Variants in KCNN3 observed in about 807,000 individuals in gnomAD.
KCNN3 encodes the protein potassium calcium-activated channel subfamily N member 3, also known as small conductance calcium-activated potassium channel protein 3.
KCNN3 carries 16 observed loss-of-function variants against 62.9 expected under a neutral mutation model. That is an observed-to-expected ratio of 0.25 (90% CI 0.17 to 0.39). KCNN3 has a LOEUF of 0.39. Ranked by LOEUF, KCNN3 falls within the 10% of genes least tolerant of loss-of-function variation. The pLI is 1.00. For missense variants in KCNN3, 599 were observed against 949.4 expected, an observed-to-expected ratio of 0.63 and a Z score of 4.85; for synonymous variants, 370 against 389.2, an observed-to-expected ratio of 0.95 and a Z score of 0.58.
chr1:154,870,281 T>G lies in KCNN3; in HGVS notation c.-317A>C. On this transcript the variant is annotated 5_prime_UTR_variant, in exon 1 of 8. Transcript: ENST00000271915. ...TCAGCTTCACTCCTCGCTGGCTCAA[T>G]AGCTTCGCTCGCCTCCTCCTGCCAC... is the stretch of plus-strand genomic sequence containing the variant. The G allele has an allele frequency of 2.0e-6, 1 of 509,790 alleles. No homozygotes were observed. The allele number at this position is 509,790 out of a possible 1,614,324, so 31.6% of individuals were successfully genotyped here. A position where few individuals can be genotyped will look rare whatever the true frequency, so the allele number is the denominator to read the frequency against.
rs1699840440 is a variant in KCNN3 at position 154,700,883 on chromosome 1, C to G, written c.*7093G>C. 6.6e-6 allele frequency: 1 copy of G among 151,966 alleles called. No homozygotes were observed. Among genetic ancestry groups the G allele is most frequent in the South Asian group, 2.1e-4 (1 of 4,818 alleles). The allele number at this position is 151,966 out of a possible 1,614,324, so 9.4% of individuals were successfully genotyped here. ...AGTGAAGAAATAAATCAATTACCAC[C>G]AATACATTCATCAGTCAATTGTAAA... On this transcript the variant is annotated 3_prime_UTR_variant, in exon 8 of 8. Transcript: ENST00000271915.
chr1:154,796,632 T>C (rs1326261334), intron 2 of KCNN3, among the ~76,000 whole-genome samples: 1 of 152,230 alleles, frequency 6.6e-6, no homozygotes, highest in African/African-American at 2.4e-5. Context: ...CAAGTCATGA[T>C]TCAACCGATT....
intron 1 of KCNN3, among the ~76,000 whole-genome samples, chr1:154,845,839 T>C (rs537978192): frequency 3.9e-4 from 59 of 152,274 alleles, no homozygotes; most frequent in African/African-American, 1.4e-3. Flanking sequence ...TAGTAAATAA[T>C]AGTAATAAAA....
Position 154,700,928 on chromosome 1 carries a change from C to G in KCNN3, c.*7048G>C, listed in dbSNP as rs777027258. 2.6e-5 allele frequency: 4 copies of G among 152,154 alleles called. No homozygotes were observed. The highest frequency in any genetic ancestry group is 5.9e-5 in the Non-Finnish European group (4 of 68,026). The allele number at this position is 152,154 out of a possible 1,614,324, so 9.4% of individuals were successfully genotyped here. On this transcript the variant is annotated 3_prime_UTR_variant, in exon 8 of 8. Coordinates refer to ENST00000271915, the MANE Select transcript of KCNN3 (RefSeq NM_002249.6). ...TGTAAAATTGAAAATAAGCCAATTTCCATTATCCGGTGAGTAAGTAACCTG... is the reference window on the plus strand; with the variant it reads ...TGTAAAATTGAAAATAAGCCAATTTGCATTATCCGGTGAGTAAGTAACCTG...
intron 2 of KCNN3, among the ~76,000 whole-genome samples, chr1:154,814,603 G>A (rs978638055): frequency 1.1e-4 from 17 of 152,240 alleles, no homozygotes; most frequent in African/African-American, 3.9e-4. Context: ...AAGGCGGCCA[G>A]GCCCAAGGCC....
At chr1:154,830,772 G>A (rs1651349258) in intron 1 of KCNN3, among the ~76,000 whole-genome samples, 1 of 152,158 alleles carries the variant, frequency 6.6e-6, no homozygotes, top group Admixed American at 6.5e-5. Flanking sequence ...AAGCCAGCAT[G>A]ATGACCAGGA....
rs543884872 is a variant in KCNN3, at chr1:154,757,103, A to G, written c.1448+14872T>C. 2.0e-5 allele frequency among the ~76,000 whole-genome samples: 3 copies of G among 152,362 alleles called. No individual in the cohort carries two copies. The East Asian group carries it at 5.8e-4, about 29-fold the overall frequency. On this transcript the variant is annotated intron_variant, in intron 3 of 7. Coordinates refer to ENST00000271915, the MANE Select transcript of KCNN3 (RefSeq NM_002249.6). ...GAGGGAGAATGTCCAGGTAAAGGACAGACCTGTGTAGGAAATAGGGTATGG... is the reference window on the plus strand; with the variant it reads ...GAGGGAGAATGTCCAGGTAAAGGACGGACCTGTGTAGGAAATAGGGTATGG...
intron 1 of KCNN3, among the ~76,000 whole-genome samples, chr1:154,845,825 T>C (rs1652033821): frequency 6.6e-6 from 1 of 152,194 alleles, no homozygotes; most frequent in South Asian, 2.1e-4. Flanking sequence ...CAAGGAAACT[T>C]GTTTAGTAAA....
chr1:154,723,010 G>T (rs1238386250), intron 5 of KCNN3, among the ~76,000 whole-genome samples: 1 of 151,358 alleles, frequency 6.6e-6, no homozygotes, highest in Non-Finnish European at 1.5e-5. Flanking sequence ...GATTACAGGC[G>T]TGAGCCACCG....
In KCNN3 at chr1:154,708,031, A is replaced by G. The variant is rs76925601; in HGVS notation, c.2141T>C (p.Ile714Thr). ...TTHTPISDSP[I>T]GVSSTSFPTP... ...CGGGAAGGAGGTGGAGCTGACCCCA[A>G]TGGGGCTATCGGAGATTGGGGTGTG... Residue 714 changes from isoleucine to threonine, a missense_variant, in exon 8 of 8, where the codon ATT becomes ACT. Physicochemically the swap from Ile to Thr is moderately conservative, Grantham distance 89. Coordinates refer to ENST00000271915, the MANE Select transcript of KCNN3 (RefSeq NM_002249.6). 313 of 1,613,228 alleles carry G rather than the reference A, an allele frequency of 1.9e-4. 1 individual carries two copies. Among genetic ancestry groups the G allele is most frequent in the Non-Finnish European group, 7.6e-5 (90 of 1,179,520 alleles).
At position 154,822,134 on chromosome 1, in the gene KCNN3, G is replaced by A. The variant is rs918297653; in HGVS notation, c.984C>T (p.Ile328=). ...ALKCLISLST[I]ILLGLIIAYH... ...AGGCGATGATCAAGCCCAAAAGGAT[G>A]ATGGTGGACAGACTGATAAGGCATT... Residue 328 remains isoleucine (I), a synonymous_variant, in exon 2 of 8, where the codon ATC becomes ATT. Coordinates refer to ENST00000271915, the MANE Select transcript of KCNN3 (RefSeq NM_002249.6). The A allele has an allele frequency of 6.2e-7, 1 of 1,614,022 alleles. No individual in the cohort carries two copies. Among genetic ancestry groups the A allele is most frequent in the African/African-American group, 1.3e-5 (1 of 74,924 alleles).
Position 154,733,126 on chromosome 1 carries a change from G to T in KCNN3, c.1467C>A (p.Asp489Glu). The T allele has an allele frequency of 3.1e-6, 5 of 1,614,192 alleles. No homozygotes were observed. Among genetic ancestry groups the T allele is most frequent in the Non-Finnish European group, 3.4e-6 (4 of 1,180,012 alleles). ...TGGCACCCAGAAAGTTACTAGTTACGTCCTGCTGGTCATGGTACCTGCCAA... is the reference window on the plus strand; with the variant it reads ...TGGCACCCAGAAAGTTACTAGTTACTTCCTGCTGGTCATGGTACCTGCCAA... ...RVCERYHDQQDVTSNFLGAMW... is the reference protein window; with the variant it reads ...RVCERYHDQQEVTSNFLGAMW... The change falls in exon 4 of 8, where the codon GAC (aspartate) becomes GAA (glutamate). Residue 489 changes from aspartate (D) to glutamate (E), a missense_variant. Physicochemically the swap from Asp to Glu is conservative, Grantham distance 45 (BLOSUM62 2). Around this residue, in one of 7 missense-constraint regions of KCNN3, gnomAD observed 288 missense variants for 557.4 expected, o/e 0.52. Coordinates refer to ENST00000271915, the MANE Select transcript of KCNN3 (RefSeq NM_002249.6).
intron 2 of KCNN3, among the ~76,000 whole-genome samples, chr1:154,801,139 G>A (rs539767040): frequency 1.3e-5 from 2 of 152,058 alleles, no homozygotes; most frequent in African/African-American, 2.4e-5. Context: ...AAGGAGGTGG[G>A]GGGGAGAGCC....
In KCNN3 at chr1:154,835,189, C is replaced by T. The variant is rs992028639; in HGVS notation, c.934-13005G>A. 3.3e-5 allele frequency among the ~76,000 whole-genome samples: 5 copies of T among 152,312 alleles called. No homozygotes were observed. The South Asian group carries it at 6.2e-4, about 19-fold the overall frequency. On this transcript the variant is annotated intron_variant, in intron 1 of 7. Coordinates refer to ENST00000271915, the MANE Select transcript of KCNN3 (RefSeq NM_002249.6). ...ATACTCTCCCAGTCGAGGGTTCCCA[C>T]GGGCTTAAAACAGCCTATGCAGAGG... is the stretch of plus-strand genomic sequence containing the variant.
chr1:154,752,648 G>A (rs989192877), intron 3 of KCNN3, among the ~76,000 whole-genome samples: 8 of 139,562 alleles, frequency 5.7e-5, no homozygotes, highest in Middle Eastern at 3.6e-3. Context: ...GGCCATGAAC[G>A]AAGATAGTGC....
At chr1:154,744,223 C>CAATG (rs35253751) in intron 3 of KCNN3, among the ~76,000 whole-genome samples, 6 of 151,570 alleles carry the variant, frequency 4.0e-5, no homozygotes, top group South Asian at 4.2e-4. Context: ...AATACTTGTC[C>CAATG]AATGAATGAA....
Position 154,809,232 on chromosome 1 carries a change from C to G in KCNN3, c.1029+12857G>C, listed in dbSNP as rs1425600143. Among the ~76,000 whole-genome samples the G allele has an allele frequency of 6.6e-6, 1 of 152,212 alleles. No individual in the cohort carries two copies. Among genetic ancestry groups the G allele is most frequent in the Admixed American group, 6.5e-5 (1 of 15,280 alleles). Reference sequence around the variant, plus strand: ...CAGACTCAACACTCAGCCCCAGCAGCCAAGCCCCAGCACCAGCAGCCACGC... The same window carrying G: ...CAGACTCAACACTCAGCCCCAGCAGGCAAGCCCCAGCACCAGCAGCCACGC... On this transcript the variant is annotated intron_variant, in intron 2 of 7. Coordinates refer to ENST00000271915, the MANE Select transcript of KCNN3 (RefSeq NM_002249.6). This position sits in a 1 kb window ranked among gnomAD's most constrained non-coding sequence, Gnocchi z 4.3.
chr1:154,717,164 A>G (rs1337180367), intron 5 of KCNN3, among the ~76,000 whole-genome samples: 1 of 152,208 alleles, frequency 6.6e-6, no homozygotes. Flanking sequence ...AGTACTTCAT[A>G]TGTCTAAGCT....
intron 2 of KCNN3, among the ~76,000 whole-genome samples, chr1:154,802,021 G>A (rs1405292073): frequency 6.6e-6 from 1 of 152,200 alleles, no homozygotes; most frequent in Non-Finnish European, 1.5e-5. Flanking sequence ...TGCATGCGGG[G>A]CACTGGCAGT....
Sources: allele counts gnomAD v4.1 joint callset (sites outside exome capture counted in the v4.1 genomes callset), GRCh38; gene constraint gnomAD v4.1.1; regional missense constraint gnomAD v4.1.1; non-coding constraint Gnocchi (gnomAD v3.1); transcripts MANE v1.5; gene names NCBI Gene and HGNC (gene_info 2026-07-23, HGNC 2026-07-21).